Variants in NFATC3 observed in about 807,000 individuals in gnomAD.
NFATC3 encodes the protein nuclear factor of activated T cells 3.
A neutral mutation model predicts 98.6 loss-of-function variants in NFATC3; 46 were observed. That is an observed-to-expected ratio of 0.47 (90% CI 0.37 to 0.60). NFATC3 has a LOEUF of 0.60. Among genes scored for constraint, NFATC3 ranks in the 20% least tolerant of loss-of-function variants. The probability of loss-of-function intolerance (pLI) is 0.00; values close to 1 mark genes in which losing one functional copy is unlikely to be tolerated. For missense variants in NFATC3, 1,256 were observed against 1,295.5 expected, an observed-to-expected ratio of 0.97 and a Z score of 0.47; for synonymous variants, 512 against 472.2, an observed-to-expected ratio of 1.08 and a Z score of -1.09.
chr16:68,167,304 C>T (rs2039241496), intron 5 of NFATC3, among the ~76,000 whole-genome samples: 1 of 152,128 alleles, frequency 6.6e-6, no homozygotes, highest in Non-Finnish European at 1.5e-5. Flanking sequence ...GGGCCTGATG[C>T]CATCTGAGGA....
Position 68,113,968 on chromosome 16 carries a change from G to A in NFATC3, c.104-8019G>A, listed in dbSNP as rs975853868. Among the ~76,000 whole-genome samples, 12 of 152,144 alleles carry A rather than the reference G, an allele frequency of 7.9e-5. 1 individual carries two copies. Among genetic ancestry groups the A allele is most frequent in the African/African-American group, 2.9e-4 (12 of 41,412 alleles). ...GACTGGAGCCGCAGTGATGGCGACT[G>A]CCCCTTTCCGTGGGAACTTGGTAGT... On this transcript the variant is annotated intron_variant, in intron 1 of 9. Coordinates refer to ENST00000346183, the MANE Select transcript of NFATC3 (RefSeq NM_173165.3).
intron 9 of NFATC3, among the ~76,000 whole-genome samples, chr16:68,216,711 T>G (rs2041655839): frequency 6.6e-6 from 1 of 152,118 alleles, no homozygotes; most frequent in African/African-American, 2.4e-5. Context: ...TTTTGTATTT[T>G]TAGTAGAGAT....
intron 9 of NFATC3, among the ~76,000 whole-genome samples, chr16:68,215,485 C>T (rs1339806062): frequency 6.6e-6 from 1 of 152,184 alleles, no homozygotes; most frequent in Non-Finnish European, 1.5e-5. Flanking sequence ...CAGTGTGCTT[C>T]CCATGTGTGA....
chr16:68,090,086 A>C (rs958433535), intron 1 of NFATC3, among the ~76,000 whole-genome samples: 4 of 152,144 alleles, frequency 2.6e-5, no homozygotes, highest in Admixed American at 6.6e-5. Context: ...AATTTAATCT[A>C]CAATGTTTTT....
intron 1 of NFATC3, among the ~76,000 whole-genome samples, chr16:68,092,083 G>A (rs943401540): frequency 2.0e-5 from 3 of 152,190 alleles, no homozygotes; most frequent in Admixed American, 2.0e-4. Context: ...TAAGATTTAA[G>A]TAACAGCCTA....
intron 4 of NFATC3, among the ~76,000 whole-genome samples, chr16:68,163,267 G>A (rs186642615): frequency 0.12 from 17,841 of 151,698 alleles, 1,176 homozygotes; most frequent in South Asian, 0.19. Flanking sequence ...CCTCCCAGAC[G>A]GGGTGGTGGC....
chr16:68,087,541 T>A (rs1030934793), intron 1 of NFATC3, among the ~76,000 whole-genome samples: 10 of 152,272 alleles, frequency 6.6e-5, no homozygotes, highest in South Asian at 2.1e-4. Flanking sequence ...TAATTTTTTT[T>A]AAAGTTTTTT....
chr16:68,183,415 T>TA, intron 8 of NFATC3, 49 bp downstream of exon 8: 1 of 1,589,902 alleles, frequency 6.3e-7, no homozygotes. Context: ...TCCTAATGAA[T>TA]AAAAAGTTAT....
chr16:68,192,228 A>ATATATAT (rs1380467877), intron 9 of NFATC3: 926 of 72,398 alleles, frequency 0.013, 26 homozygotes, highest in South Asian at 0.015. Context: ...AAAAAAAAAA[A>ATATATAT]AAATATATAT....
chr16:68,207,310 CA>C (rs112021651), intron 9 of NFATC3, among the ~76,000 whole-genome samples: 3,339 of 114,720 alleles, frequency 0.029, 97 homozygotes, highest in African/African-American at 0.092. Context: ...AACTCCATCT[CA>C]AAAAAAAAAA....
At chr16:68,152,557 C>G (rs180835360) in intron 3 of NFATC3, among the ~76,000 whole-genome samples, 75 of 152,188 alleles carry the variant, frequency 4.9e-4, no homozygotes, top group African/African-American at 1.8e-3. Context: ...GTCACCCAGG[C>G]TGGAGTGTAG....
chr16:68,113,209 C>T (rs1456194786), intron 1 of NFATC3, among the ~76,000 whole-genome samples: 2 of 152,204 alleles, frequency 1.3e-5, no homozygotes, highest in Non-Finnish European at 2.9e-5. Flanking sequence ...GATTCTTTCT[C>T]ATCTTTGTGG....
chr16:68,091,725 A>C (rs1267090386), intron 1 of NFATC3, among the ~76,000 whole-genome samples: 1 of 152,220 alleles, frequency 6.6e-6, no homozygotes, highest in African/African-American at 2.4e-5. Context: ...TTTGATAGTA[A>C]GCAGTAGTTT....
chr16:68,196,764 G>C (rs2040692355), intron 9 of NFATC3, among the ~76,000 whole-genome samples: 1 of 152,086 alleles, frequency 6.6e-6, no homozygotes. Context: ...GGGCGCAGTG[G>C]CTCACTCCTG....
intron 5 of NFATC3, among the ~76,000 whole-genome samples, chr16:68,173,797 T>A (rs187026344): frequency 2.0e-5 from 3 of 151,976 alleles, no homozygotes; most frequent in Admixed American, 2.0e-4. Context: ...TGTGTTGGAG[T>A]CAGTATGAAG....
rs2034320742 is a variant in NFATC3 at position 68,085,621 on chromosome 16, G to C, written c.-61G>C. ...GAAGCGGCGTTGAGGAGCTGCTGCC[G>C]CCGCTTGCCGCTGCCGCCGCCGCCG... On this transcript the variant is annotated 5_prime_UTR_variant, in exon 1 of 10. Transcript: ENST00000346183. The C allele has an allele frequency of 1.4e-6, 2 of 1,422,146 alleles. No homozygotes were observed. The highest frequency in any genetic ancestry group is 2.6e-5 in the Admixed American group (1 of 38,836). The allele number at this position is 1,422,146 out of a possible 1,614,324, so 88.1% of individuals were successfully genotyped here.
chr16:68,223,141 A>G (rs189753808), intron 9 of NFATC3, among the ~76,000 whole-genome samples: 1 of 152,326 alleles, frequency 6.6e-6, no homozygotes, highest in East Asian at 1.9e-4. Flanking sequence ...CCAGTGAGTT[A>G]TTTTTAGAAA....
Position 68,190,812 on chromosome 16 carries a change from G to A in NFATC3, c.2143G>A (p.Val715Ile). ...CAGAGAAGAGATTGATTTGTCTTCA[G>A]TTCCATCTTTGCCTGTGCCTCATCC... ...EHREEIDLSSVPSLPVPHPAQ... is the reference protein window; with the variant it reads ...EHREEIDLSSIPSLPVPHPAQ... Residue 715 changes from valine to isoleucine, a missense_variant, in exon 9 of 10, where the codon GTT becomes ATT. Val to Ile is a conservative substitution (Grantham distance 29). This residue lies in a region of NFATC3 where 636 missense variants were observed against 617.3 expected (regional missense o/e 1.03). Transcript: ENST00000346183. 1 of 1,613,126 alleles carries A rather than the reference G, an allele frequency of 6.2e-7. No homozygotes were observed.
At position 68,125,144 on chromosome 16, in the gene NFATC3, T is replaced by G. The variant is rs2036770251; in HGVS notation, c.1239-1304T>G. Among the ~76,000 whole-genome samples, 3 of 152,260 alleles carry G rather than the reference T, an allele frequency of 2.0e-5. No homozygotes were observed. The South Asian group carries it at 6.2e-4, about 31-fold the overall frequency. On this transcript the variant is annotated intron_variant, in intron 2 of 9. Coordinates refer to ENST00000346183, the MANE Select transcript of NFATC3 (RefSeq NM_173165.3). Reference sequence around the variant, plus strand: ...ATCCCTTTGCTTCTGAAATTTATCTTAATTTTTCTAGTGGTTTGCTTAAGG... The same window carrying G: ...ATCCCTTTGCTTCTGAAATTTATCTGAATTTTTCTAGTGGTTTGCTTAAGG...
Sources: gnomAD v4.1 joint callset for allele counts (sites outside exome capture counted in the v4.1 genomes callset) on GRCh38, gnomAD v4.1.1 for gene constraint, gnomAD v4.1.1 regional missense constraint, MANE v1.5 for transcripts, NCBI Gene and HGNC (gene_info 2026-07-23, HGNC 2026-07-21) for gene names.